Variants in FBN2 observed in about 807,000 individuals in gnomAD.
FBN2 encodes the protein fibrillin 2.
A neutral mutation model predicts 355.6 loss-of-function variants in FBN2; 105 were observed. The ratio of observed to expected loss-of-function variants is 0.30; its 90% CI spans 0.25 to 0.35. The LOEUF is 0.35. Ranked by LOEUF, FBN2 falls within the 10% of genes least tolerant of loss-of-function variation. The pLI is 1.00. For missense variants in FBN2, 3,280 were observed against 3,758.7 expected, an observed-to-expected ratio of 0.87 and a Z score of 3.33; for synonymous variants, 1,350 against 1,301.2, an observed-to-expected ratio of 1.04 and a Z score of -0.81.
intron 55 of FBN2, among the ~76,000 whole-genome samples, chr5:128,285,245 T>TG (rs1749116311): frequency 6.6e-6 from 1 of 152,130 alleles, no homozygotes. Context: ...TTTTATTGAT[T>TG]TTTTTTGTGG....
At chr5:128,335,646 C>T (rs1369138935) in intron 28 of FBN2, 69 bp from the exon 29 acceptor site, 23 of 1,572,192 alleles carry the variant, frequency 1.5e-5, no homozygotes, top group Admixed American at 5.0e-5. Context: ...TCTTTTTAAA[C>T]AGATAATGCT....
intron 8 of FBN2, among the ~76,000 whole-genome samples, chr5:128,406,899 A>T (rs1021529288): frequency 3.3e-4 from 51 of 152,350 alleles, no homozygotes; most frequent in Admixed American, 5.9e-4. Context: ...GCCAACTGGC[A>T]ACAGTAACCC....
intron 19 of FBN2, among the ~76,000 whole-genome samples, chr5:128,358,742 G>C (rs959574857): frequency 6.6e-6 from 1 of 151,896 alleles, no homozygotes; most frequent in African/African-American, 2.4e-5. Context: ...AACCATAAAA[G>C]AAGCAGATAA....
chr5:128,301,366 T>C lies in FBN2; in HGVS notation c.6046+16A>G, dbSNP rs1749711625. 1.9e-6 allele frequency: 3 copies of C among 1,609,976 alleles called. No individual in the cohort carries two copies. The highest frequency in any genetic ancestry group is 2.5e-6 in the Non-Finnish European group (3 of 1,176,634). On this transcript the variant is annotated intron_variant, in intron 47 of 64. Transcript: ENST00000262464. ...AACATAACACCACAAAGACTGCTTA[T>C]TATTTAAATACTTACCTATACAGTT...
intron 18 of FBN2, among the ~76,000 whole-genome samples, chr5:128,362,495 C>G (rs1751662536): frequency 6.6e-6 from 1 of 152,226 alleles, no homozygotes; most frequent in African/African-American, 2.4e-5. Context: ...GGATCTCACT[C>G]TGTTGCCCTG....
At chr5:128,491,193 C>A (rs191433763) in intron 5 of FBN2, among the ~76,000 whole-genome samples, 2 of 152,244 alleles carry the variant, frequency 1.3e-5, no homozygotes, top group East Asian at 3.9e-4. Flanking sequence ...TAAGAAAGAA[C>A]ACACACAGTC....
At chr5:128,478,178 C>T (rs760851526) in intron 5 of FBN2, among the ~76,000 whole-genome samples, 223 of 152,148 alleles carry the variant, frequency 1.5e-3, no homozygotes, top group Non-Finnish European at 2.0e-3. Flanking sequence ...AGTATTTTTG[C>T]AACGCTGAGG....
At chr5:128,393,047 C>A in intron 10 of FBN2, 88 bp downstream of exon 10, 1 of 1,065,422 alleles carries the variant, frequency 9.4e-7, no homozygotes. Flanking sequence ...GTTCATACAA[C>A]CCTTTTGAAA....
At chr5:128,306,762 C>CA (rs925727071) in intron 42 of FBN2, among the ~76,000 whole-genome samples, 2 of 151,982 alleles carry the variant, frequency 1.3e-5, no homozygotes, top group Non-Finnish European at 2.9e-5. Context: ...AGGGATACTG[C>CA]AAAAATACAC....
chr5:128,395,627 T>C (rs1180600341), intron 8 of FBN2, among the ~76,000 whole-genome samples: 1 of 152,210 alleles, frequency 6.6e-6, no homozygotes, highest in Non-Finnish European at 1.5e-5. Context: ...CTGATGATTT[T>C]ATAAAAGTTG....
chr5:128,365,721 G>T (rs1052598432), intron 17 of FBN2, among the ~76,000 whole-genome samples: 3 of 149,926 alleles, frequency 2.0e-5, no homozygotes, highest in Non-Finnish European at 4.4e-5. Flanking sequence ...ATATAGTGAA[G>T]ATTAATAACA....
At chr5:128,431,370 A>G (rs1753622387) in intron 7 of FBN2, among the ~76,000 whole-genome samples, 2 of 152,292 alleles carry the variant, frequency 1.3e-5, no homozygotes, top group East Asian at 1.9e-4. Flanking sequence ...GAAACCATGC[A>G]TGGTACTGAA....
intron 6 of FBN2, among the ~76,000 whole-genome samples, chr5:128,463,465 C>T (rs1041322577): frequency 3.3e-5 from 5 of 152,030 alleles, no homozygotes; most frequent in Non-Finnish European, 5.9e-5. Flanking sequence ...AATATAAAGT[C>T]GGTAAATGTT....
chr5:128,454,290 G>C (rs1365337612), intron 6 of FBN2, among the ~76,000 whole-genome samples: 1 of 152,058 alleles, frequency 6.6e-6, no homozygotes, highest in Non-Finnish European at 1.5e-5. Context: ...TTTTTTGTGG[G>C]GTTAGAAGAA....
At chr5:128,355,854 T>C (rs32217) in intron 20 of FBN2, among the ~76,000 whole-genome samples, 39,569 of 152,136 alleles carry the variant, frequency 0.26, 6,277 homozygotes, top group Admixed American at 0.39. Context: ...TGGTTAGTTG[T>C]TGGCAATTGG....
chr5:128,469,560 ACTT>A (rs1754801662), intron 5 of FBN2, among the ~76,000 whole-genome samples: 1 of 150,642 alleles, frequency 6.6e-6, no homozygotes, highest in East Asian at 1.9e-4. Context: ...CAGTGGAGAG[ACTT>A]CTTTCTGGCA....
intron 25 of FBN2, among the ~76,000 whole-genome samples, chr5:128,342,418 T>C (rs1328284447): frequency 3.3e-5 from 5 of 151,890 alleles, no homozygotes; most frequent in African/African-American, 7.3e-5. Context: ...TGTGCCTGAG[T>C]GACAGAGGGC....
chr5:128,517,377 T>C (rs1337107748), intron 5 of FBN2, among the ~76,000 whole-genome samples: 1 of 152,196 alleles, frequency 6.6e-6, no homozygotes, highest in Non-Finnish European at 1.5e-5. Context: ...TTCTATGATG[T>C]TCAAATAAAC....
chr5:128,531,720 GTGTATATA>G (rs766070832), intron 2 of FBN2, among the ~76,000 whole-genome samples: 8 of 143,176 alleles, frequency 5.6e-5, no homozygotes, highest in African/African-American at 8.0e-5. Flanking sequence ...ATATGTATGT[GTGTATATA>G]TATATATATA....
Sources: gnomAD v4.1 joint callset for allele counts (sites outside exome capture counted in the v4.1 genomes callset) on GRCh38, gnomAD v4.1.1 for gene constraint, MANE v1.5 for transcripts, NCBI Gene and HGNC (gene_info 2026-07-23, HGNC 2026-07-21) for gene names.